Variants in GTF2IRD2 observed in about 807,000 individuals in gnomAD.
The protein encoded by GTF2IRD2 is GTF2I repeat domain containing 2.
A neutral mutation model predicts 49.2 loss-of-function variants in GTF2IRD2; 8 were observed. That is an observed-to-expected ratio of 0.16 (90% CI 0.10 to 0.29). The LOEUF is 0.29. Ranked by LOEUF, GTF2IRD2 falls within the 10% of genes least tolerant of loss-of-function variation. GTF2IRD2 has a pLI of 1.00. For synonymous variants in GTF2IRD2, 47 were observed against 289.7 expected, an observed-to-expected ratio of 0.16 and a Z score of 8.51; for missense variants, 130 against 725.7, an observed-to-expected ratio of 0.18 and a Z score of 9.43.
Position 74,797,514 on chromosome 7 carries a change from C to T in GTF2IRD2, c.1998G>A (p.Lys666=), listed in dbSNP as rs1286742689. Residue 666 remains lysine, a synonymous_variant, in exon 16 of 16, where the codon AAG becomes AAA. Transcript: ENST00000451013. ...HPESLCAQKL[K]MDHVMDVVVK... ...CTACCACGTCCATGACGTGGTCCAT[C>T]TTCAACTTCTGAGCACAGAGTGATT... The T allele has an allele frequency of 3.2e-6, 5 of 1,580,644 alleles. No individual in the cohort carries two copies. The highest frequency in any genetic ancestry group is 4.3e-6 in the Non-Finnish European group (5 of 1,153,276).
intron 3 of GTF2IRD2, among the ~76,000 whole-genome samples, chr7:74,831,543 A>ACACACACACACACACACC (rs1204677476): frequency 2.1e-5 from 3 of 140,804 alleles, no homozygotes; most frequent in African/African-American, 7.8e-5. Context: ...ACACACACAC[A>ACACACACACACACACACC]CCCTTATACC....
At chr7:74,825,128 T>A in intron 3 of GTF2IRD2, 76 bp from the exon 4 acceptor site, 1 of 1,308,800 alleles carries the variant, frequency 7.6e-7, no homozygotes, top group Non-Finnish European at 1.0e-6. Context: ...TTTCTGGTAT[T>A]GAAAGAAAAA....
rs1798573664 is a variant in GTF2IRD2, at chr7:74,817,102, A to G, written c.670+2452T>C. Among the ~76,000 whole-genome samples, 2 of 36,882 alleles carry G rather than the reference A, an allele frequency of 5.4e-5. 1 individual carries two copies. The highest frequency in any genetic ancestry group is 6.6e-4 in the Admixed American group (2 of 3,038). The allele number at this position is 36,882 out of a possible 152,430, so 24.2% of individuals were successfully genotyped here. A position where few individuals can be genotyped will look rare whatever the true frequency, so the allele number is the denominator to read the frequency against. Reference sequence around the variant, plus strand: ...GGAGTTTCACTCTCACCCAGGCTGGAGTGCAATGGCGCAGTCTCGGCTCAC... The same window carrying G: ...GGAGTTTCACTCTCACCCAGGCTGGGGTGCAATGGCGCAGTCTCGGCTCAC... On this transcript the variant is annotated intron_variant, in intron 8 of 15. Coordinates refer to ENST00000451013, the MANE Select transcript of GTF2IRD2 (RefSeq NM_173537.5).
At chr7:74,825,750 T>G (rs1405586038) in intron 3 of GTF2IRD2, among the ~76,000 whole-genome samples, 4 of 151,810 alleles carry the variant, frequency 2.6e-5, no homozygotes, top group Admixed American at 1.3e-4. Context: ...AGGTTTTTGT[T>G]TTTTTTTTTG....
chr7:74,839,999 A>G (rs1554421558), intron 1 of GTF2IRD2, among the ~76,000 whole-genome samples: 3 of 148,892 alleles, frequency 2.0e-5, no homozygotes. Context: ...GATTCCGTCT[A>G]AAAACAAAAA....
Position 74,822,367 on chromosome 7 carries a change from T to C in GTF2IRD2, c.571+60A>G, listed in dbSNP as rs1554418786. 6.0e-6 allele frequency: 4 copies of C among 667,748 alleles called. No homozygotes were observed. In the African/African-American group the frequency reaches 8.1e-5, roughly 14 times the overall value. The allele number at this position is 667,748 out of a possible 1,614,324, so 41.4% of individuals were successfully genotyped here. A position where few individuals can be genotyped will look rare whatever the true frequency, so the allele number is the denominator to read the frequency against. ...GCCCGGCCCCCAATTCAAGTTTTAA[T>C]GAAGAAGAAGTGGTTCAGCAGCTCA... On this transcript the variant is annotated intron_variant, in intron 6 of 15. Coordinates refer to ENST00000451013, the MANE Select transcript of GTF2IRD2 (RefSeq NM_173537.5).
At chr7:74,838,465 C>T (rs1800511298) in intron 1 of GTF2IRD2, among the ~76,000 whole-genome samples, 1 of 89,968 alleles carries the variant, frequency 1.1e-5, no homozygotes, top group Non-Finnish European at 1.9e-5. Context: ...TGCAGTGGCA[C>T]AATCATGGCT....
Position 74,839,977 on chromosome 7 carries a change from G to C in GTF2IRD2, c.-5-3594C>G, listed in dbSNP as rs1470924098. On this transcript the variant is annotated intron_variant, in intron 1 of 15. Transcript: ENST00000451013. ...ATTGTGCCACTGCCCTCCAGGTGGGGCAACAGAGTAAGATTCCGTCTAAAA... is the reference window on the plus strand; with the variant it reads ...ATTGTGCCACTGCCCTCCAGGTGGGCCAACAGAGTAAGATTCCGTCTAAAA... Among the ~76,000 whole-genome samples, 3 of 147,860 alleles carry C rather than the reference G, an allele frequency of 2.0e-5. 1 individual carries two copies. Among genetic ancestry groups the C allele is most frequent in the African/African-American group, 7.6e-5 (3 of 39,238 alleles).
In GTF2IRD2 at chr7:74,836,176, A is replaced by T. The variant is rs1303850243; in HGVS notation, c.99+104T>A. The T allele has an allele frequency of 6.5e-5, 94 of 1,449,514 alleles. 23 individuals are homozygous for T. In the African/African-American group the frequency reaches 1.7e-3, roughly 27 times the overall value. 89.8% of individuals were successfully genotyped at this position (1,449,514 alleles called of 1,614,324 possible). A position where few individuals can be genotyped will look rare whatever the true frequency, so the allele number is the denominator to read the frequency against. On this transcript the variant is annotated intron_variant, in intron 2 of 15. Coordinates refer to ENST00000451013, the MANE Select transcript of GTF2IRD2 (RefSeq NM_173537.5). ...ACAGAGTGAGACTCTGTCTTAAAAA[A>T]AAGAAAAGAAAAAAAACAAAAGGGA...
In GTF2IRD2 at chr7:74,797,515, T is replaced by G. The variant is rs1797076924; in HGVS notation, c.1997A>C (p.Lys666Thr). 4 of 1,581,614 alleles carry G rather than the reference T, an allele frequency of 2.5e-6. No homozygotes were observed. The East Asian group carries it at 9.0e-5, about 36-fold the overall frequency. ...HPESLCAQKL[K>T]MDHVMDVVVK... ...TACCACGTCCATGACGTGGTCCATCTTCAACTTCTGAGCACAGAGTGATTC... is the reference window on the plus strand; with the variant it reads ...TACCACGTCCATGACGTGGTCCATCGTCAACTTCTGAGCACAGAGTGATTC... Residue 666 changes from lysine (K) to threonine (T), a missense_variant, in exon 16 of 16, where the codon AAG (lysine) becomes ACG (threonine). By Grantham distance (78) the Lys-to-Thr change is moderately conservative (BLOSUM62 -1). Coordinates refer to ENST00000451013, the MANE Select transcript of GTF2IRD2 (RefSeq NM_173537.5).
At chr7:74,799,989 T>G (rs1318944552) in intron 15 of GTF2IRD2, among the ~76,000 whole-genome samples, 1 of 122,952 alleles carries the variant, frequency 8.1e-6, no homozygotes, top group Non-Finnish European at 1.7e-5. Flanking sequence ...GAGGTGAAGG[T>G]GGGAGAATCA....
At chr7:74,839,297 G>A (rs2131802968) in intron 1 of GTF2IRD2, among the ~76,000 whole-genome samples, 1 of 44,800 alleles carries the variant, frequency 2.2e-5, no homozygotes, top group South Asian at 7.3e-4. Context: ...AGCCTCAATT[G>A]CCTCTCTGCT....
intron 1 of GTF2IRD2, among the ~76,000 whole-genome samples, chr7:74,842,324 G>A (rs1554421993): frequency 7.5e-6 from 1 of 133,542 alleles, no homozygotes. Context: ...CTGCCTTCTG[G>A]GTTCAAGCGA....
chr7:74,799,021 T>C (rs1554416716), intron 15 of GTF2IRD2: 1 of 145,694 alleles, frequency 6.9e-6, no homozygotes, highest in Non-Finnish European at 1.5e-5. Flanking sequence ...CTTTTTTTTT[T>C]TTTTTTGTAG....
intron 8 of GTF2IRD2, among the ~76,000 whole-genome samples, chr7:74,815,814 GAAA>G (rs1798476240): frequency 2.1e-5 from 2 of 94,678 alleles, no homozygotes; most frequent in African/African-American, 4.3e-5. Context: ...AAGAAAGAAA[GAAA>G]GAAAGAAAGA....
At position 74,842,700 on chromosome 7, in the gene GTF2IRD2, A is replaced by G. The variant is rs782116745; in HGVS notation, c.-5-6317T>C. 1.3e-4 allele frequency among the ~76,000 whole-genome samples: 19 copies of G among 144,672 alleles called. 2 individuals are homozygous for G. Among genetic ancestry groups the G allele is most frequent in the Non-Finnish European group, 2.7e-4 (18 of 66,704 alleles). The allele number at this position is 144,672 out of a possible 152,430, so 94.9% of individuals were successfully genotyped here. A position where few individuals can be genotyped will look rare whatever the true frequency, so the allele number is the denominator to read the frequency against. Reference sequence around the variant, plus strand: ...CAGCCTCCAGAGTAGCTAAGATGACAGGCATGTGCCACGACACTCAGCTAA... The same window carrying G: ...CAGCCTCCAGAGTAGCTAAGATGACGGGCATGTGCCACGACACTCAGCTAA... On this transcript the variant is annotated intron_variant, in intron 1 of 15. Coordinates refer to ENST00000451013, the MANE Select transcript of GTF2IRD2 (RefSeq NM_173537.5).
At chr7:74,840,580 G>C (rs587734006) in intron 1 of GTF2IRD2, among the ~76,000 whole-genome samples, 1 of 123,710 alleles carries the variant, frequency 8.1e-6, no homozygotes, top group Admixed American at 8.2e-5. Context: ...ACAGTCCTTA[G>C]TTGAAACTAT....
At chr7:74,823,632 A>AT (rs1219480431) in intron 4 of GTF2IRD2, among the ~76,000 whole-genome samples, 82 of 63,726 alleles carry the variant, frequency 1.3e-3, no homozygotes, top group African/African-American at 5.9e-3. Context: ...TGCCCAGCGT[A>AT]TTTTTTTTTT....
intron 3 of GTF2IRD2, among the ~76,000 whole-genome samples, chr7:74,830,172 G>C (rs1799720328): frequency 2.9e-5 from 3 of 104,242 alleles, no homozygotes; most frequent in Admixed American, 2.6e-4. Flanking sequence ...TTTATGACCA[G>C]ACTGGGTAAT....
Sources: gnomAD v4.1 joint callset for allele counts (sites outside exome capture counted in the v4.1 genomes callset) on GRCh38, gnomAD v4.1.1 for gene constraint, MANE v1.5 for transcripts, NCBI Gene and HGNC (gene_info 2026-07-23, HGNC 2026-07-21) for gene names.